Variants in URB1 observed in about 807,000 individuals in gnomAD.
URB1 encodes nucleolar pre-ribosomal-associated protein 1.
URB1 carries 197 observed loss-of-function variants against 242.3 expected under a neutral mutation model. The ratio of observed to expected loss-of-function variants is 0.81; its 90% CI spans 0.72 to 0.91. The LOEUF (loss-of-function observed/expected upper bound fraction) is 0.91. Among genes scored for constraint, URB1 ranks in the 40% least tolerant of loss-of-function variants. The pLI, the probability that URB1 is intolerant of heterozygous loss-of-function variation, is 0.00. For missense variants in URB1, 2,721 were observed against 2,860.5 expected, an observed-to-expected ratio of 0.95 and a Z score of 1.11; for synonymous variants, 1,153 against 1,201.8, an observed-to-expected ratio of 0.96 and a Z score of 0.84.
intron 19 of URB1, among the ~76,000 whole-genome samples, chr21:32,352,310 G>T (rs1207369615): frequency 6.6e-6 from 1 of 152,174 alleles, no homozygotes; most frequent in African/African-American, 2.4e-5. Context: ...TGGAGGCCTT[G>T]AGGGGCCATG....
intron 6 of URB1, 50 bp from the exon 7 acceptor site, chr21:32,373,822 C>A: frequency 7.0e-6 from 10 of 1,426,148 alleles, no homozygotes; most frequent in South Asian, 1.4e-5. Flanking sequence ...TGAAAAAGTT[C>A]ATGGAATTCA....
chr21:32,364,449 A>G (rs79933419), intron 10 of URB1, among the ~76,000 whole-genome samples: 2,679 of 152,290 alleles, frequency 0.018, 85 homozygotes, highest in African/African-American at 0.061. Flanking sequence ...CGGTAGAAAC[A>G]AAGAGCTTTT....
In URB1 at chr21:32,392,931, G is replaced by A; in HGVS notation, c.-21C>T. ...CCCATGGCCGAGAGGGCGGAAGCGCGACGGAAACGACACACCTGAGGGGAC... is the reference window on the plus strand; with the variant it reads ...CCCATGGCCGAGAGGGCGGAAGCGCAACGGAAACGACACACCTGAGGGGAC... On this transcript the variant is annotated 5_prime_UTR_variant, in exon 1 of 39. Transcript: ENST00000382751. The A allele has an allele frequency of 2.0e-6, 3 of 1,496,638 alleles. No homozygotes were observed. Among genetic ancestry groups the A allele is most frequent in the Non-Finnish European group, 2.7e-6 (3 of 1,125,084 alleles). 92.7% of individuals were successfully genotyped at this position (1,496,638 alleles called of 1,614,324 possible). A position where few individuals can be genotyped will look rare whatever the true frequency, so the allele number is the denominator to read the frequency against.
intron 25 of URB1, 58 bp from the exon 26 acceptor site, chr21:32,338,958 G>A (rs1430310185): frequency 1.4e-6 from 2 of 1,412,116 alleles, no homozygotes; most frequent in Non-Finnish European, 1.9e-6. Flanking sequence ...TTATTTTACA[G>A]GAAACAATAA....
rs2032603893 is a variant in URB1, at chr21:32,312,399, G to A, written c.*2519C>T. 1.5e-5 allele frequency: 16 copies of A among 1,038,048 alleles called. No homozygotes were observed. The highest frequency in any genetic ancestry group is 1.7e-5 in the Non-Finnish European group (14 of 822,182). 64.3% of individuals were successfully genotyped at this position (1,038,048 alleles called of 1,614,324 possible). A position where few individuals can be genotyped will look rare whatever the true frequency, so the allele number is the denominator to read the frequency against. ...GTACCTTTGTTAGGATGCTGGGTAA[G>A]TTCCCATCCAAGCTCCACTAACACC... On this transcript the variant is annotated 3_prime_UTR_variant, in exon 39 of 39. Transcript: ENST00000382751.
Position 32,347,773 on chromosome 21 carries a change from G to C in URB1, c.3051C>G (p.Pro1017=). The part of the protein sequence containing the change: ...EEVLVAILRH[P]TLEGWFLALE... Reference sequence around the variant, plus strand: ...GGGCCAGGAACCAGCCCTCCAGGGTGGGGTGCCTGAGGATGGCCACAAGCA... The same window carrying C: ...GGGCCAGGAACCAGCCCTCCAGGGTCGGGTGCCTGAGGATGGCCACAAGCA... The change falls in exon 22 of 39, where the codon CCC becomes CCG. Residue 1017 remains proline (P), a synonymous_variant. Coordinates refer to ENST00000382751, the MANE Select transcript of URB1 (RefSeq NM_014825.3). The C allele has an allele frequency of 1.3e-6, 2 of 1,547,830 alleles. No homozygotes were observed. Among genetic ancestry groups the C allele is most frequent in the South Asian group, 2.4e-5 (2 of 84,020 alleles).
intron 28 of URB1, chr21:32,335,191 A>C (rs2032943959): frequency 6.5e-6 from 1 of 152,846 alleles, no homozygotes; most frequent in Non-Finnish European, 1.5e-5. Context: ...GACCCCGATA[A>C]GCCGGGCTAC....
chr21:32,338,158 C>T (rs2032984096), intron 26 of URB1, among the ~76,000 whole-genome samples: 1 of 152,160 alleles, frequency 6.6e-6, no homozygotes, highest in Non-Finnish European at 1.5e-5. Context: ...CTAAACAGAG[C>T]GTGGCGTCAG....
At position 32,316,868 on chromosome 21, in the gene URB1, C is replaced by T. The variant is rs2032696342; in HGVS notation, c.6232G>A (p.Glu2078Lys). ...PVIPGPDPTQEPVDSASPESD... is the reference protein window; with the variant it reads ...PVIPGPDPTQKPVDSASPESD... Reference sequence around the variant, plus strand: ...TCGGGGCTGGCTGAGTCCACAGGCTCCTGAGTGGGGTCAGGACCAGGGATC... The same window carrying T: ...TCGGGGCTGGCTGAGTCCACAGGCTTCTGAGTGGGGTCAGGACCAGGGATC... Residue 2078 changes from glutamate to lysine, a missense_variant, in exon 38 of 39, where the codon GAG becomes AAG. Coordinates refer to ENST00000382751, the MANE Select transcript of URB1 (RefSeq NM_014825.3). 6.4e-7 allele frequency: 1 copy of T among 1,551,174 alleles called. No homozygotes were observed. The highest frequency in any genetic ancestry group is 8.7e-7 in the Non-Finnish European group (1 of 1,146,740).
At chr21:32,369,375 A>G (rs1026529357) in intron 8 of URB1, among the ~76,000 whole-genome samples, 2 of 152,148 alleles carry the variant, frequency 1.3e-5, no homozygotes, top group Non-Finnish European at 2.9e-5. Context: ...AAAAAACAGC[A>G]CTATGTAAAT....
chr21:32,353,307 A>G (rs1401801783), intron 18 of URB1, among the ~76,000 whole-genome samples: 1 of 151,936 alleles, frequency 6.6e-6, no homozygotes, highest in Non-Finnish European at 1.5e-5. Flanking sequence ...TTGACTGTCC[A>G]CCCTTTCCAG....
chr21:32,350,966 C>T (rs1304108652), intron 19 of URB1, 44 bp from the exon 20 acceptor site: 1 of 1,520,262 alleles, frequency 6.6e-7, no homozygotes, highest in Non-Finnish European at 8.8e-7. Context: ...AGACACATCA[C>T]CACAGATGAA....
At chr21:32,333,847 A>G (rs1407784003) in intron 29 of URB1, among the ~76,000 whole-genome samples, 3 of 152,212 alleles carry the variant, frequency 2.0e-5, no homozygotes, top group African/African-American at 4.8e-5. Flanking sequence ...TTGAATATTT[A>G]AGGGCATAAA....
rs1286351478 is a variant in URB1, at chr21:32,312,253, G to A, written c.*2665C>T. ...TTACTGCTTATATTTGCTCAGGGAAGAGTAGGAAAATAAAATATATGCAAA... is the reference window on the plus strand; with the variant it reads ...TTACTGCTTATATTTGCTCAGGGAAAAGTAGGAAAATAAAATATATGCAAA... On this transcript the variant is annotated 3_prime_UTR_variant, in exon 39 of 39. Coordinates refer to ENST00000382751, the MANE Select transcript of URB1 (RefSeq NM_014825.3). 7.1e-7 allele frequency: 1 copy of A among 1,413,928 alleles called. No homozygotes were observed. Among genetic ancestry groups the A allele is most frequent in the Non-Finnish European group, 9.2e-7 (1 of 1,086,678 alleles). The allele number at this position is 1,413,928 out of a possible 1,614,324, so 87.6% of individuals were successfully genotyped here.
intron 18 of URB1, among the ~76,000 whole-genome samples, chr21:32,353,370 A>G (rs189596112): frequency 6.6e-6 from 1 of 152,306 alleles, no homozygotes; most frequent in East Asian, 1.9e-4. Flanking sequence ...CATAGCTACA[A>G]AACGGGAGCA....
At chr21:32,387,393 T>C (rs2033594806) in intron 1 of URB1, among the ~76,000 whole-genome samples, 1 of 152,028 alleles carries the variant, frequency 6.6e-6, no homozygotes, top group Non-Finnish European at 1.5e-5. Flanking sequence ...CACTCTAGCC[T>C]GGCAACAGAG....
Position 32,384,303 on chromosome 21 carries a change from G to A in URB1, c.434+10C>T. The A allele has an allele frequency of 1.9e-6, 3 of 1,548,644 alleles. No homozygotes were observed. The highest frequency in any genetic ancestry group is 2.6e-6 in the Non-Finnish European group (3 of 1,144,058). On this transcript the variant is annotated intron_variant, in intron 3 of 38. Transcript: ENST00000382751. ...GCCCATCCTTTGTCACACCAAGGCA[G>A]ACTGCCTACCTGTAACCTGAGGCAT...
In URB1 at chr21:32,353,197, T is replaced by C. The variant is rs76703606; in HGVS notation, c.2417-291A>G. Among the ~76,000 whole-genome samples the C allele has an allele frequency of 1.4e-3, 215 of 152,290 alleles. 2 individuals are homozygous for C. The highest frequency in any genetic ancestry group is 5.0e-3 in the African/African-American group (206 of 41,570). On this transcript the variant is annotated intron_variant, in intron 18 of 38. Transcript: ENST00000382751. Reference sequence around the variant, plus strand: ...CCTGGGACCAGGACTTGCTAGGTGCTCACCAATCCGTTTACTGTGCCTCGG... The same window carrying C: ...CCTGGGACCAGGACTTGCTAGGTGCCCACCAATCCGTTTACTGTGCCTCGG...
rs535189771 is a variant in URB1, at chr21:32,391,314, C to T, written c.142+1455G>A. 4.0e-5 allele frequency among the ~76,000 whole-genome samples: 6 copies of T among 151,704 alleles called. No individual in the cohort carries two copies. In the South Asian group the frequency reaches 1.3e-3, roughly 32 times the overall value. ...AGGACACCAACATGGCACATGTATA[C>T]ATATGTAACAAAGGGGCACGTTGTG... On this transcript the variant is annotated intron_variant, in intron 1 of 38. Coordinates refer to ENST00000382751, the MANE Select transcript of URB1 (RefSeq NM_014825.3).
Sources: gnomAD v4.1 joint callset for allele counts (sites outside exome capture counted in the v4.1 genomes callset) on GRCh38, gnomAD v4.1.1 for gene constraint, MANE v1.5 for transcripts, NCBI Gene and HGNC (gene_info 2026-07-23, HGNC 2026-07-21) for gene names.